Variants in GSTM4 observed in about 807,000 individuals in gnomAD.
The protein encoded by GSTM4 is glutathione S-transferase mu 4, also known as GST class-mu 4.
A neutral mutation model predicts 30.1 loss-of-function variants in GSTM4; 27 were observed. The observed-to-expected ratio is 0.90, with a 90% CI of 0.66 to 1.24. The LOEUF (loss-of-function observed/expected upper bound fraction) is 1.24. Among genes scored for constraint, GSTM4 ranks in the 50% most tolerant of loss-of-function variants. GSTM4 has a pLI of 0.00. For missense variants in GSTM4, 238 were observed against 272.1 expected, an observed-to-expected ratio of 0.87 and a Z score of 0.88; for synonymous variants, 94 against 96.2, an observed-to-expected ratio of 0.98 and a Z score of 0.13.
At chr1:109,661,763 T>C (rs1652333775), downstream of GSTM4, 4 of 983,832 alleles carry the variant, frequency 4.1e-6, no homozygotes, top group Non-Finnish European at 4.9e-6. Context: ...CTGCCTCTTC[T>C]GAGGGACTGG....
At chr1:109,666,537 G>A (rs757457948), downstream of GSTM4, among the ~76,000 whole-genome samples, 1 of 152,144 alleles carries the variant, frequency 6.6e-6, no homozygotes, top group Non-Finnish European at 1.5e-5. Context: ...CCATTTCCCT[G>A]CCCAATTCTC....
Position 109,656,296 on chromosome 1 carries a change from C to A in GSTM4, c.-94C>A. ...AGCGGGGCCGAGGGGGCGGGTCTGG[C>A]GCTAGGTCCAGCCCCTGCGTGCCGG... On this transcript the variant is annotated 5_prime_UTR_variant, in exon 1 of 8. Transcript: ENST00000369836. 1 of 1,255,916 alleles carries A rather than the reference C, an allele frequency of 8.0e-7. No individual in the cohort carries two copies. The highest frequency in any genetic ancestry group is 1.2e-6 in the Non-Finnish European group (1 of 855,724). The allele number at this position is 1,255,916 out of a possible 1,614,324, so 77.8% of individuals were successfully genotyped here.
chr1:109,657,771 G>A lies in GSTM4; in HGVS notation c.260-1G>A, dbSNP rs1652100011. The A allele has an allele frequency of 6.2e-7, 1 of 1,614,122 alleles. No individual in the cohort carries two copies. Among genetic ancestry groups the A allele is most frequent in the Admixed American group, 1.7e-5 (1 of 60,006 alleles). ...GTGAGTCTGTGTTTTGTGGGTGGCA[G>A]GTGGGGAGACAGAAGAGGAGAAGAT... On this transcript the variant is annotated splice_acceptor_variant, in intron 4 of 7. Transcript: ENST00000369836. LOFTEE classifies it high-confidence loss of function.
chr1:109,659,085 T>G lies in GSTM4; in HGVS notation c.542T>G (p.Leu181Arg). 1 of 1,614,208 alleles carries G rather than the reference T, an allele frequency of 6.2e-7. No individual in the cohort carries two copies. The highest frequency in any genetic ancestry group is 8.5e-7 in the Non-Finnish European group (1 of 1,180,036). The change falls in exon 7 of 8, where the codon CTG becomes CGG. Residue 181 changes from leucine to arginine, a missense_variant. Leu to Arg is a moderately radical substitution (Grantham distance 102). Coordinates refer to ENST00000369836, the MANE Select transcript of GSTM4 (RefSeq NM_000850.5). The stretch of plus-strand genomic sequence containing the variant: ...AACTGCTTGGACGCCTTTCCAAATC[T>G]GAAGGACTTCATCTCCCGCTTTGAG... ...EPNCLDAFPN[L>R]KDFISRFEGL...
downstream of GSTM4, chr1:109,661,854 AAT>A: frequency 3.5e-6 from 1 of 288,538 alleles, no homozygotes; most frequent in Non-Finnish European, 5.2e-6. Context: ...TTTTTTTTGA[AAT>A]AAGGTCTCCT....
At chr1:109,659,417 A>G in intron 7 of GSTM4, 1 of 1,402,544 alleles carries the variant, frequency 7.1e-7, no homozygotes. Context: ...ATCTGGATCT[A>G]TGGGTGGCAG....
rs762231090 is a variant in GSTM4, at chr1:109,656,345, C to G, written c.-45C>G. On this transcript the variant is annotated 5_prime_UTR_variant, in exon 1 of 8. Transcript: ENST00000369836. ...GGGAACCCCAGAGGAGGTCGCAGTT[C>G]AGCCCAGCTGAGGCCTGTCTGCAGA... The G allele has an allele frequency of 1.9e-6, 3 of 1,604,996 alleles. No individual in the cohort carries two copies. The South Asian group carries it at 3.3e-5, about 18-fold the overall frequency.
At position 109,658,927 on chromosome 1, in the gene GSTM4, T is replaced by G; in HGVS notation, c.456+18T>G. On this transcript the variant is annotated intron_variant, in intron 6 of 7. Transcript: ENST00000369836. ...GAGACAAGGTAATGGGGGCATGTGA[T>G]GAGGACACTAGAGATTTGCCATACA... 6.2e-7 allele frequency: 1 copy of G among 1,612,124 alleles called. No individual in the cohort carries two copies. The highest frequency in any genetic ancestry group is 1.7e-4 in the Middle Eastern group (1 of 6,058).
intron 2 of GSTM4, 35 bp from the exon 3 acceptor site, chr1:109,657,180 G>C (rs756968693): frequency 3.1e-6 from 5 of 1,610,410 alleles, no homozygotes; most frequent in Non-Finnish European, 3.4e-6. Context: ...TGGGCTCTGG[G>C]GAGGTTTGTT....
At chr1:109,662,084 C>T (rs1349074775), downstream of GSTM4, among the ~76,000 whole-genome samples, 1 of 152,192 alleles carries the variant, frequency 6.6e-6, no homozygotes, top group Non-Finnish European at 1.5e-5. Context: ...ACCTTGGCAT[C>T]CCAAATTGCT....
At position 109,659,072 on chromosome 1, in the gene GSTM4, G is replaced by T. The variant is rs201704616; in HGVS notation, c.529G>T (p.Ala177Ser). The change falls in exon 7 of 8, where the codon GCC (alanine) becomes TCC (serine). Residue 177 changes from alanine to serine, a missense_variant. Ala to Ser is a moderately conservative substitution (Grantham distance 99). Transcript: ENST00000369836. ...HRIFEPNCLD[A>S]FPNLKDFISR... ...TATATTTGAGCCCAACTGCTTGGAC[G>T]CCTTTCCAAATCTGAAGGACTTCAT... is the stretch of plus-strand genomic sequence containing the variant. The T allele has an allele frequency of 3.3e-5, 54 of 1,614,142 alleles. No homozygotes were observed. Among genetic ancestry groups the T allele is most frequent in the East Asian group, 6.7e-5 (3 of 44,864 alleles).
intron 2 of GSTM4, 181 bp downstream of exon 2, chr1:109,656,968 C>CT (rs1253003800): frequency 1.2e-6 from 1 of 800,432 alleles, no homozygotes; most frequent in African/African-American, 1.7e-5. Flanking sequence ...GGGCGGGATG[C>CT]TGGGCCCCCT....
intron 7 of GSTM4, chr1:109,660,401 G>A (rs986701872): frequency 1.1e-4 from 17 of 153,498 alleles, no homozygotes; most frequent in Admixed American, 1.0e-3. Flanking sequence ...TAGTGGGGTT[G>A]GAGATGAGGT....
downstream of GSTM4, among the ~76,000 whole-genome samples, chr1:109,663,657 A>G (rs1407637514): frequency 5.3e-5 from 8 of 150,126 alleles, no homozygotes; most frequent in African/African-American, 1.7e-4. Flanking sequence ...ACAGAGCAAG[A>G]CTCCGTCTCA....
chr1:109,656,846 C>G, intron 2 of GSTM4, 59 bp downstream of exon 2: 1 of 1,522,642 alleles, frequency 6.6e-7, no homozygotes, highest in East Asian at 2.3e-5. Context: ...ACCAAGCAAC[C>G]CATGGTGGCC....
downstream of GSTM4, among the ~76,000 whole-genome samples, chr1:109,663,349 G>A (rs1049612845): frequency 2.0e-5 from 3 of 152,182 alleles, no homozygotes; most frequent in Admixed American, 6.5e-5. Flanking sequence ...TAAGGCCTAT[G>A]CACTGTATGT....
chr1:109,658,002 C>A, intron 5 of GSTM4, 130 bp downstream of exon 5: 1 of 720,448 alleles, frequency 1.4e-6, no homozygotes, highest in Non-Finnish European at 2.4e-6. Context: ...GAGTGACTGT[C>A]ATATCATTAA....
At chr1:109,665,873 G>A (rs1198569443), downstream of GSTM4, among the ~76,000 whole-genome samples, 4 of 152,242 alleles carry the variant, frequency 2.6e-5, no homozygotes, top group East Asian at 7.7e-4. Flanking sequence ...TTGGAAGGGT[G>A]GGTGAACAGT....
chr1:109,663,253 G>A (rs1031292649), downstream of GSTM4, among the ~76,000 whole-genome samples: 1 of 152,138 alleles, frequency 6.6e-6, no homozygotes, highest in Non-Finnish European at 1.5e-5. Flanking sequence ...GAAGGCTCCT[G>A]GTGCAGTGCT....
Sources: gnomAD v4.1 joint callset for allele counts (sites outside exome capture counted in the v4.1 genomes callset) on GRCh38, gnomAD v4.1.1 for gene constraint, MANE v1.5 for transcripts, NCBI Gene and HGNC (gene_info 2026-07-23, HGNC 2026-07-21) for gene names.